Variants in NPAS3 observed in about 807,000 individuals in gnomAD.
The protein encoded by NPAS3 is neuronal PAS domain-containing protein 3.
A neutral mutation model predicts 73.1 loss-of-function variants in NPAS3; 14 were observed. The ratio of observed to expected loss-of-function variants is 0.19; its 90% CI spans 0.13 to 0.30. NPAS3 has a LOEUF of 0.30. NPAS3 is among the 10% of genes least tolerant of loss of function. The pLI is 1.00. For synonymous variants in NPAS3, 620 were observed against 541.5 expected (o/e 1.14, Z -2.01); for missense variants, 1,096 against 1,250.0 (o/e 0.88, Z 1.86).
At position 33,594,315 on chromosome 14, in the gene NPAS3, T is replaced by C. The variant is rs115557674; in HGVS notation, c.558+34105T>C. 2.1e-3 allele frequency among the ~76,000 whole-genome samples: 327 copies of C among 152,328 alleles called. 2 individuals are homozygous for C. In the Middle Eastern group the frequency reaches 0.027, roughly 13 times the overall value. On this transcript the variant is annotated intron_variant, in intron 5 of 11. Transcript: ENST00000356141. ...GTTGTATTGCTATTTTAATTGTTTT[T>C]TCCCCAAATATTTTCGATCTGTAGT... is the stretch of plus-strand genomic sequence containing the variant.
intron 4 of NPAS3, among the ~76,000 whole-genome samples, chr14:33,505,155 G>T (rs1258361084): frequency 1.3e-5 from 2 of 151,932 alleles, no homozygotes; most frequent in African/African-American, 4.8e-5. Flanking sequence ...GCAAAAGTTT[G>T]TTAATAACAA....
chr14:33,022,947 T>C (rs1302248181), intron 1 of NPAS3, among the ~76,000 whole-genome samples: 1 of 152,124 alleles, frequency 6.6e-6, no homozygotes, highest in Non-Finnish European at 1.5e-5. Flanking sequence ...CCTTTCTGAG[T>C]GCAGACAGAA....
intron 3 of NPAS3, among the ~76,000 whole-genome samples, chr14:33,258,569 C>A (rs1244816022): frequency 2.6e-5 from 4 of 152,096 alleles, no homozygotes; most frequent in African/African-American, 9.7e-5. Context: ...GAAAAGAATT[C>A]TTTAGTGATT....
At chr14:33,227,493 C>T (rs1173318657) in intron 3 of NPAS3, among the ~76,000 whole-genome samples, 1 of 152,178 alleles carries the variant, frequency 6.6e-6, no homozygotes, top group Non-Finnish European at 1.5e-5. Context: ...TTCTCACAGT[C>T]TGGAGGCTGG....
intron 5 of NPAS3, among the ~76,000 whole-genome samples, chr14:33,621,651 T>C (rs892083558): frequency 6.6e-6 from 1 of 152,198 alleles, no homozygotes; most frequent in African/African-American, 2.4e-5. Context: ...GGTAGCCATC[T>C]GTAGATTACG....
intron 4 of NPAS3, among the ~76,000 whole-genome samples, chr14:33,423,859 G>A (rs1477539974): frequency 6.6e-6 from 1 of 151,988 alleles, no homozygotes; most frequent in Admixed American, 6.6e-5. Flanking sequence ...GATGTAGTGA[G>A]AGGGAGAGAG....
At chr14:33,468,208 A>G (rs1354433614) in intron 4 of NPAS3, among the ~76,000 whole-genome samples, 2 of 152,240 alleles carry the variant, frequency 1.3e-5, no homozygotes, top group East Asian at 1.9e-4. Context: ...AGACTCTCTG[A>G]TTTAAAGCCC....
intron 5 of NPAS3, among the ~76,000 whole-genome samples, chr14:33,570,552 C>T (rs547059313): frequency 3.9e-5 from 6 of 152,256 alleles, no homozygotes; most frequent in African/African-American, 1.4e-4. Context: ...TTAAAGTTGA[C>T]GTTGCCGGGT....
chr14:33,256,027 TAAAA>T (rs529679316), intron 3 of NPAS3, among the ~76,000 whole-genome samples: 7 of 152,156 alleles, frequency 4.6e-5, no homozygotes, highest in Non-Finnish European at 8.8e-5. Flanking sequence ...AAATTACTCA[TAAAA>T]AAATTTCCTG....
chr14:33,697,132 G>A (rs1171564482), intron 6 of NPAS3, among the ~76,000 whole-genome samples: 1 of 152,222 alleles, frequency 6.6e-6, no homozygotes, highest in African/African-American at 2.4e-5. Context: ...TTAGAGTGCA[G>A]GAAAATCTTG....
downstream of NPAS3, chr14:33,802,480 G>A (rs570201770): frequency 2.0e-5 from 3 of 151,776 alleles, no homozygotes; most frequent in East Asian, 5.8e-4. Context: ...CCAAATGACT[G>A]TCAAGTATAA....
chr14:33,385,420 C>G (rs1387973323), intron 4 of NPAS3, among the ~76,000 whole-genome samples: 1 of 152,150 alleles, frequency 6.6e-6, no homozygotes, highest in Non-Finnish European at 1.5e-5. Flanking sequence ...TTAGACCCTG[C>G]ACCCTATGTT....
chr14:33,451,364 T>A (rs1167957274), intron 4 of NPAS3, among the ~76,000 whole-genome samples: 1 of 152,152 alleles, frequency 6.6e-6, no homozygotes, highest in Non-Finnish European at 1.5e-5. Context: ...CACTTCTGAG[T>A]CATGTGACCT....
chr14:33,149,156 C>A (rs1306863152), intron 2 of NPAS3, among the ~76,000 whole-genome samples: 1 of 152,072 alleles, frequency 6.6e-6, no homozygotes, highest in Non-Finnish European at 1.5e-5. Flanking sequence ...ACATGAATAA[C>A]AGACTTTTAT....
In NPAS3 at chr14:33,698,960, T is replaced by C. The variant is rs540148819; in HGVS notation, c.733+22575T>C. ...AAAAGGGAAAGGGGCAGAACACATA[T>C]TGGTTGCTGTCATTTATGTACCAAG... On this transcript the variant is annotated intron_variant, in intron 6 of 11. Coordinates refer to ENST00000356141, the Ensembl canonical transcript of NPAS3. Among the ~76,000 whole-genome samples the C allele has an allele frequency of 1.3e-4, 20 of 152,258 alleles. 1 individual carries two copies. In the South Asian group the frequency reaches 4.2e-3, roughly 32 times the overall value.
intron 7 of NPAS3, among the ~76,000 whole-genome samples, chr14:33,765,011 G>C (rs1311188262): frequency 6.6e-6 from 1 of 152,106 alleles, no homozygotes; most frequent in Admixed American, 6.5e-5. Context: ...CTCCAGCTTA[G>C]TTAAACTATC....
chr14:33,705,486 C>T (rs1362098462), intron 6 of NPAS3, among the ~76,000 whole-genome samples: 2 of 152,150 alleles, frequency 1.3e-5, no homozygotes, highest in African/African-American at 2.4e-5. Context: ...AAGAGGGAGG[C>T]GAAATCGGCT....
At chr14:33,372,293 T>C (rs2046123905) in intron 4 of NPAS3, among the ~76,000 whole-genome samples, 1 of 152,132 alleles carries the variant, frequency 6.6e-6, no homozygotes, top group Admixed American at 6.6e-5. Flanking sequence ...GATAGACTCC[T>C]TAATTTTTGG....
intron 2 of NPAS3, among the ~76,000 whole-genome samples, chr14:33,163,854 T>C (rs1205765505): frequency 6.6e-6 from 1 of 152,234 alleles, no homozygotes; most frequent in Non-Finnish European, 1.5e-5. Flanking sequence ...TCAGAGCTAA[T>C]ACTGAGCTGT....
Sources: allele counts gnomAD v4.1 joint callset (sites outside exome capture counted in the v4.1 genomes callset), GRCh38; gene constraint gnomAD v4.1.1; transcripts MANE v1.5; gene names NCBI Gene and HGNC (gene_info 2026-07-23, HGNC 2026-07-21).